The following COLGALT2 variants were observed in gnomAD, a reference collection of about 807,000 sequenced individuals.
COLGALT2 encodes collagen beta(1-O)galactosyltransferase 2, also known as procollagen galactosyltransferase 2.
In COLGALT2, 49 loss-of-function variants were observed where a neutral mutation model predicts 73.4. That is an observed-to-expected ratio of 0.67 (90% confidence interval 0.53 to 0.85). The LOEUF (loss-of-function observed/expected upper bound fraction) is 0.85. COLGALT2 is among the 40% of genes least tolerant of loss of function. The probability of loss-of-function intolerance (pLI) is 0.00; values close to 1 mark genes in which losing one functional copy is unlikely to be tolerated. For synonymous variants in COLGALT2, 295 were observed against 307.6 expected (o/e 0.96, Z 0.43); for missense variants, 722 against 790.2 (o/e 0.91, Z 1.03).
At chr1:184,008,856 C>A (rs959257477) in intron 1 of COLGALT2, among the ~76,000 whole-genome samples, 8 of 152,144 alleles carry the variant, frequency 5.3e-5, no homozygotes, top group Admixed American at 2.0e-4. Flanking sequence ...ATGAGGTTTG[C>A]AAACTATCTC....
chr1:183,945,356 G>T, intron 9 of COLGALT2, 76 bp downstream of exon 9: 1 of 1,523,936 alleles, frequency 6.6e-7, no homozygotes, highest in African/African-American at 1.4e-5. Context: ...TTTACATCTG[G>T]CCCTAACTCA....
chr1:183,972,021 C>T (rs184961361), intron 4 of COLGALT2, among the ~76,000 whole-genome samples: 154 of 152,296 alleles, frequency 1.0e-3, no homozygotes, highest in African/African-American at 3.4e-3. Flanking sequence ...TTTATCAGCA[C>T]ACTACTGACC....
chr1:183,980,607 A>T (rs1029418823), intron 1 of COLGALT2, among the ~76,000 whole-genome samples: 1 of 152,136 alleles, frequency 6.6e-6, no homozygotes, highest in African/African-American at 2.4e-5. Flanking sequence ...TGTTTTTACA[A>T]GGGAATTCTA....
downstream of COLGALT2, among the ~76,000 whole-genome samples, chr1:183,932,589 G>A (rs1669869677): frequency 6.6e-6 from 1 of 152,160 alleles, no homozygotes; most frequent in African/African-American, 2.4e-5. Flanking sequence ...GGGAGAGACT[G>A]ACTCACGGAG....
chr1:183,970,647 C>T (rs1156634298), intron 4 of COLGALT2, among the ~76,000 whole-genome samples: 2 of 152,088 alleles, frequency 1.3e-5, no homozygotes, highest in African/African-American at 2.4e-5. Flanking sequence ...ACCTTCTAGC[C>T]GTTTGATCTT....
intron 1 of COLGALT2, among the ~76,000 whole-genome samples, chr1:184,031,489 A>C (rs1649508131): frequency 6.6e-6 from 1 of 152,248 alleles, no homozygotes; most frequent in Admixed American, 6.5e-5. Context: ...AGTGGAAATG[A>C]CAATTCTTAT....
intron 1 of COLGALT2, among the ~76,000 whole-genome samples, chr1:184,030,566 G>A (rs971072436): frequency 1.3e-5 from 2 of 152,182 alleles, no homozygotes; most frequent in South Asian, 2.1e-4. Context: ...CCAAGTGCAC[G>A]TTTAAGTGTT....
intron 1 of COLGALT2, among the ~76,000 whole-genome samples, chr1:183,989,715 A>C (rs981763604): frequency 2.6e-5 from 4 of 152,228 alleles, no homozygotes; most frequent in Non-Finnish European, 5.9e-5. Flanking sequence ...ATCCTTAATC[A>C]AATAAAAAGT....
At chr1:183,992,950 G>A (rs925829923) in intron 1 of COLGALT2, among the ~76,000 whole-genome samples, 1 of 152,146 alleles carries the variant, frequency 6.6e-6, no homozygotes, top group African/African-American at 2.4e-5. Context: ...AGCTCCATGA[G>A]GGCAGGGATA....
chr1:183,945,563 C>T lies in COLGALT2; in HGVS notation c.1138G>A (p.Ala380Thr), dbSNP rs1038992090. The T allele has an allele frequency of 8.1e-6, 13 of 1,613,812 alleles. No individual in the cohort carries two copies. The highest frequency in any genetic ancestry group is 7.6e-6 in the Non-Finnish European group (9 of 1,179,934). ...VKIVEAVDGK[A>T]LNTSQLKALN... is the part of the protein sequence containing the mutation. ...GCCTTCAGCTGGCTTGTGTTGAGTG[C>T]CCTGCATCACATAAAACACGTCTGG... Residue 380 changes from alanine to threonine, a missense_variant and splice_region_variant, in exon 9 of 12, where the codon GCA (alanine) becomes ACA (threonine). Coordinates refer to ENST00000361927, the MANE Select transcript of COLGALT2 (RefSeq NM_015101.4).
intron 10 of COLGALT2, 51 bp from the exon 11 acceptor site, chr1:183,940,838 G>T: frequency 6.8e-7 from 1 of 1,464,864 alleles, no homozygotes; most frequent in Non-Finnish European, 9.6e-7. Context: ...ATTATGCCAT[G>T]ATAAGGATGA....
chr1:183,940,253 T>C (rs534677932), intron 11 of COLGALT2, among the ~76,000 whole-genome samples: 1 of 152,278 alleles, frequency 6.6e-6, no homozygotes, highest in East Asian at 1.9e-4. Flanking sequence ...TTGAGGTGCT[T>C]AGGAAGATGG....
At chr1:183,992,303 T>G (rs1345650321) in intron 1 of COLGALT2, among the ~76,000 whole-genome samples, 2 of 152,216 alleles carry the variant, frequency 1.3e-5, no homozygotes, top group East Asian at 3.8e-4. Context: ...CTAAGAGGCT[T>G]ATTTTGAAGC....
intron 8 of COLGALT2, 167 bp from the exon 9 acceptor site, chr1:183,945,731 GTAT>G: frequency 1.4e-6 from 1 of 709,378 alleles, no homozygotes; most frequent in Admixed American, 3.0e-5. Context: ...TGTCACACTA[GTAT>G]TATGAGGTCT....
At chr1:183,973,540 G>A in intron 4 of COLGALT2, 76 bp downstream of exon 4, 1 of 1,562,374 alleles carries the variant, frequency 6.4e-7, no homozygotes, top group Non-Finnish European at 8.8e-7. Context: ...CAAGAGAAAG[G>A]TGAATGGGAC....
chr1:183,936,153 G>C lies in COLGALT2; in HGVS notation c.*2608C>G. ...GTTTAGCCTCCAGAGGCAGAGAGCG[G>C]GTGCCAGGCCCAGATGCAAAGGCCT... On this transcript the variant is annotated 3_prime_UTR_variant, in exon 12 of 12. Transcript: ENST00000361927. 1 of 985,608 alleles carries C rather than the reference G, an allele frequency of 1.0e-6. No homozygotes were observed. The allele number at this position is 985,608 out of a possible 1,614,324, so 61.1% of individuals were successfully genotyped here.
intron 1 of COLGALT2, among the ~76,000 whole-genome samples, chr1:184,024,690 A>G (rs1461501890): frequency 6.6e-6 from 1 of 150,810 alleles, no homozygotes; most frequent in Non-Finnish European, 1.5e-5. Context: ...AGAGATAAAA[A>G]TTAGGCTCCG....
At chr1:184,004,879 C>T (rs924564150) in intron 1 of COLGALT2, among the ~76,000 whole-genome samples, 2 of 152,056 alleles carry the variant, frequency 1.3e-5, no homozygotes, top group Non-Finnish European at 1.5e-5. Flanking sequence ...ATCCTTCCCT[C>T]GAGGGATCGG....
intron 5 of COLGALT2, among the ~76,000 whole-genome samples, chr1:183,966,811 G>A (rs1234092726): frequency 6.6e-6 from 1 of 152,142 alleles, no homozygotes; most frequent in Non-Finnish European, 1.5e-5. Flanking sequence ...GACCATATGT[G>A]CTCTCTTCTT....
Sources: gnomAD v4.1 joint callset for allele counts (sites outside exome capture counted in the v4.1 genomes callset) on GRCh38, gnomAD v4.1.1 for gene constraint, MANE v1.5 for transcripts, NCBI Gene and HGNC (gene_info 2026-07-23, HGNC 2026-07-21) for gene names.